The following CHRM3 variants were observed in gnomAD, a reference collection of about 807,000 sequenced individuals.
CHRM3 encodes the protein muscarinic acetylcholine receptor M3.
CHRM3 carries 11 observed loss-of-function variants against 41.8 expected under a neutral mutation model. That is an observed-to-expected ratio of 0.26 (90% CI 0.17 to 0.44). The LOEUF (loss-of-function observed/expected upper bound fraction) is 0.44, where lower values mean the gene tolerates loss of function less well. Ranked by LOEUF, CHRM3 falls within the 20% of genes least tolerant of loss-of-function variation. The pLI is 1.00. For missense variants in CHRM3, 571 were observed against 745.4 expected (o/e 0.77, Z 2.72); for synonymous variants, 297 against 301.4 (o/e 0.99, Z 0.15).
intron 5 of CHRM3, among the ~76,000 whole-genome samples, chr1:239,679,517 G>A (rs1658350300): frequency 6.6e-6 from 1 of 152,070 alleles, no homozygotes; most frequent in South Asian, 2.1e-4. Context: ...ACCTCTAATT[G>A]CAATGTCCCA....
intron 3 of CHRM3, among the ~76,000 whole-genome samples, chr1:239,596,904 G>A (rs895562258): frequency 4.6e-5 from 7 of 152,208 alleles, no homozygotes; most frequent in African/African-American, 1.7e-4. Flanking sequence ...GACACACAAA[G>A]CAAAGTTGTT....
At position 239,803,618 on chromosome 1, in the gene CHRM3, G is replaced by A. The variant is rs545478099; in HGVS notation, c.-146-23634G>A. Among the ~76,000 whole-genome samples, 64 of 152,236 alleles carry A rather than the reference G, an allele frequency of 4.2e-4. 1 individual carries two copies. The South Asian group carries it at 0.012, about 28-fold the overall frequency. ...CCTTCAGCCATCCTCACTGATGTTC[G>A]AAGATCTGATCATGTCAAGTTTAAT... is the stretch of plus-strand genomic sequence containing the variant. On this transcript the variant is annotated intron_variant, in intron 5 of 6. Coordinates refer to ENST00000676153, the MANE Select transcript of CHRM3 (RefSeq NM_001375978.1).
chr1:239,614,971 T>C (rs1042818056), intron 3 of CHRM3, among the ~76,000 whole-genome samples: 5 of 152,152 alleles, frequency 3.3e-5, no homozygotes, highest in Non-Finnish European at 7.3e-5. Flanking sequence ...ATTGTTGGAA[T>C]TTATAAAAGG....
intron 4 of CHRM3, among the ~76,000 whole-genome samples, chr1:239,632,769 T>C (rs1421145558): frequency 6.6e-6 from 1 of 152,176 alleles, no homozygotes; most frequent in African/African-American, 2.4e-5. Context: ...TAATAATGTT[T>C]TATCTATCCA....
At chr1:239,545,581 T>C (rs564014959) in intron 2 of CHRM3, 60 bp from the exon 3 acceptor site, 1 of 152,190 alleles carries the variant, frequency 6.6e-6, no homozygotes, top group Non-Finnish European at 1.5e-5. Flanking sequence ...GACAATCTTA[T>C]GCAAATCATA....
At chr1:239,586,494 C>A (rs1663414621) in intron 3 of CHRM3, among the ~76,000 whole-genome samples, 1 of 152,138 alleles carries the variant, frequency 6.6e-6, no homozygotes, top group Non-Finnish European at 1.5e-5. Context: ...TTAGATAACT[C>A]TTGGAACCCA....
chr1:239,839,016 G>T (rs533782687), intron 6 of CHRM3, among the ~76,000 whole-genome samples: 1 of 152,196 alleles, frequency 6.6e-6, no homozygotes, highest in Admixed American at 6.5e-5. Context: ...CAGGTAAAAA[G>T]AAGAGAGCAT....
At chr1:239,846,242 C>T (rs191328932) in intron 6 of CHRM3, among the ~76,000 whole-genome samples, 13 of 152,226 alleles carry the variant, frequency 8.5e-5, no homozygotes, top group Admixed American at 2.0e-4. Context: ...TTCCAGAAAA[C>T]GCTTTCTCTT....
chr1:239,417,921 G>A (rs73114763), intron 1 of CHRM3, among the ~76,000 whole-genome samples: 4,080 of 152,090 alleles, frequency 0.027, 221 homozygotes, highest in African/African-American at 0.092. Flanking sequence ...CTTATTTACC[G>A]TCACTAAACA....
chr1:239,497,576 C>T (rs988937707), intron 2 of CHRM3, among the ~76,000 whole-genome samples: 7 of 152,184 alleles, frequency 4.6e-5, no homozygotes, highest in African/African-American at 9.6e-5. Flanking sequence ...GAAAGAATAA[C>T]GAAAGGTTGA....
At chr1:239,887,966 A>G in intron 6 of CHRM3, among the ~76,000 whole-genome samples, 1 of 152,314 alleles carries the variant, frequency 6.6e-6, no homozygotes, top group African/African-American at 2.4e-5. Flanking sequence ...ATTGAAATAC[A>G]AATCTTATAA....
intron 1 of CHRM3, among the ~76,000 whole-genome samples, chr1:239,425,470 TG>T (rs1156395023): frequency 6.6e-6 from 1 of 152,148 alleles, no homozygotes; most frequent in African/African-American, 2.4e-5. Flanking sequence ...AGCCCTTCAC[TG>T]GTCTTCCCAG....
intron 5 of CHRM3, among the ~76,000 whole-genome samples, chr1:239,767,530 A>G (rs1441670131): frequency 6.6e-6 from 1 of 152,228 alleles, no homozygotes; most frequent in Non-Finnish European, 1.5e-5. Flanking sequence ...GCACACATTA[A>G]TTATACTAAC....
intron 1 of CHRM3, among the ~76,000 whole-genome samples, chr1:239,396,887 A>G (rs1659530250): frequency 6.6e-6 from 1 of 152,226 alleles, no homozygotes; most frequent in Admixed American, 6.5e-5. Context: ...CCTCTTCTTA[A>G]AATCTGCAAC....
At chr1:239,458,520 A>C (rs914606663) in intron 1 of CHRM3, among the ~76,000 whole-genome samples, 2 of 152,194 alleles carry the variant, frequency 1.3e-5, no homozygotes, top group Non-Finnish European at 2.9e-5. Context: ...TACTAAGCTG[A>C]TAAATTTAAA....
In CHRM3 at chr1:239,404,432, A is replaced by AAG. The variant is rs1329538453; in HGVS notation, c.-521+17207_-521+17208dup. Among the ~76,000 whole-genome samples the AAG allele has an allele frequency of 1.2e-4, 14 of 118,176 alleles. 1 individual carries two copies. The highest frequency in any genetic ancestry group is 4.2e-4 in the African/African-American group (14 of 33,350). The allele number at this position is 118,176 out of a possible 152,430, so 77.5% of individuals were successfully genotyped here. ...AGAAAAAGAAAGAAAGAAAGAAAGA[A>AAG]AGAAAGAAAGAAAGAAAGAAAGAAA... On this transcript the variant is annotated intron_variant, in intron 1 of 6. Transcript: ENST00000676153.
intron 4 of CHRM3, among the ~76,000 whole-genome samples, chr1:239,660,024 C>G (rs1001002110): frequency 2.0e-5 from 3 of 152,164 alleles, no homozygotes; most frequent in Non-Finnish European, 2.9e-5. Flanking sequence ...GCAGTGGTAT[C>G]GTTATAGCTC....
chr1:239,490,141 G>A (rs377624813), intron 1 of CHRM3, among the ~76,000 whole-genome samples: 26 of 152,314 alleles, frequency 1.7e-4, no homozygotes, highest in East Asian at 7.7e-4. Flanking sequence ...GCTCAATAAT[G>A]TTAGCTAAAA....
chr1:239,484,521 T>C (rs140204882), intron 1 of CHRM3, among the ~76,000 whole-genome samples: 689 of 152,018 alleles, frequency 4.5e-3, no homozygotes, highest in Non-Finnish European at 6.5e-3. Context: ...ACTCCAACAG[T>C]GTAGAACACT....
Sources: allele counts gnomAD v4.1 joint callset (sites outside exome capture counted in the v4.1 genomes callset), GRCh38; gene constraint gnomAD v4.1.1; transcripts MANE v1.5; gene names NCBI Gene and HGNC (gene_info 2026-07-23, HGNC 2026-07-21).